The following KIAA1217 variants were observed in gnomAD, a reference collection of about 807,000 sequenced individuals.
KIAA1217 encodes the protein KIAA1217.
Under a neutral mutation model 163.9 loss-of-function variants are expected in KIAA1217, and 88 were observed. That is an observed-to-expected ratio of 0.54 (90% CI 0.45 to 0.64). The LOEUF (loss-of-function observed/expected upper bound fraction) is 0.64. KIAA1217 is among the 30% of genes least tolerant of loss of function. KIAA1217 has a pLI of 0.00. For missense variants in KIAA1217, 2,372 were observed against 2,475.0 expected (o/e 0.96, Z 0.88); for synonymous variants, 903 against 923.1 (o/e 0.98, Z 0.39).
Position 23,746,666 on chromosome 10 carries a change from G to A in KIAA1217, c.-321+51432G>A, listed in dbSNP as rs1043170311. 1.1e-4 allele frequency among the ~76,000 whole-genome samples: 16 copies of A among 152,044 alleles called. No homozygotes were observed. In the East Asian group the frequency reaches 1.6e-3, roughly 15 times the overall value. On this transcript the variant is annotated intron_variant, in intron 1 of 18. Coordinates refer to the KIAA1217 transcript ENST00000376462. ...TCCCGATCTCCTGACCTTGTGATCCGCCCACCTCAGCCTCCCAAAGTGCTG... is the reference window on the plus strand; with the variant it reads ...TCCCGATCTCCTGACCTTGTGATCCACCCACCTCAGCCTCCCAAAGTGCTG...
At position 24,474,817 on chromosome 10, in the gene KIAA1217, A is replaced by G. The variant is rs1382520926; in HGVS notation, c.1679+757A>G. 4.6e-5 allele frequency among the ~76,000 whole-genome samples: 7 copies of G among 152,362 alleles called. No individual in the cohort carries two copies. In the East Asian group the frequency reaches 1.2e-3, roughly 25 times the overall value. ...GAATTTCTCTAGCCTGAATTGGTTG[A>G]AACAAGTCAACATAATAATCATAAA... On this transcript the variant is annotated intron_variant, in intron 6 of 20. Coordinates refer to ENST00000376454, the MANE Select transcript of KIAA1217 (RefSeq NM_019590.5).
At chr10:24,402,709 C>A (rs1212076313) in intron 3 of KIAA1217, among the ~76,000 whole-genome samples, 1 of 152,062 alleles carries the variant, frequency 6.6e-6, no homozygotes, top group South Asian at 2.1e-4. Flanking sequence ...AAAATAGAAC[C>A]ACCCAAATAC....
At chr10:23,844,411 T>C (rs1838925780) in intron 1 of KIAA1217, among the ~76,000 whole-genome samples, 1 of 152,220 alleles carries the variant, frequency 6.6e-6, no homozygotes, top group Non-Finnish European at 1.5e-5. Context: ...TCCTTCAGCC[T>C]ACTGAAGATA....
intron 2 of KIAA1217, among the ~76,000 whole-genome samples, chr10:24,225,791 A>G (rs1184573155): frequency 6.6e-6 from 1 of 152,238 alleles, no homozygotes; most frequent in Non-Finnish European, 1.5e-5. Flanking sequence ...TATATTTTTT[A>G]CATTTCTTTT....
intron 1 of KIAA1217, among the ~76,000 whole-genome samples, chr10:23,702,151 C>T (rs1836497522): frequency 6.6e-6 from 1 of 152,050 alleles, no homozygotes; most frequent in African/African-American, 2.4e-5. Context: ...CCTTAAAGTG[C>T]AGCATATCTA....
chr10:24,087,538 G>T (rs570120814), intron 2 of KIAA1217, among the ~76,000 whole-genome samples: 1 of 152,316 alleles, frequency 6.6e-6, no homozygotes, highest in South Asian at 2.1e-4. Flanking sequence ...CTCACAGAGT[G>T]CTTGGCAAAC....
At chr10:24,067,271 A>AT (rs899145941) in intron 2 of KIAA1217, among the ~76,000 whole-genome samples, 4 of 151,620 alleles carry the variant, frequency 2.6e-5, no homozygotes, top group African/African-American at 9.7e-5. Flanking sequence ...CATCTTTGTG[A>AT]TTTTATCTAC....
chr10:24,291,184 A>G (rs1443785175), intron 2 of KIAA1217, among the ~76,000 whole-genome samples: 2 of 152,158 alleles, frequency 1.3e-5, no homozygotes, highest in Non-Finnish European at 2.9e-5. Context: ...AGCATGGGCT[A>G]TCCTAGAGCC....
chr10:24,023,904 A>C (rs1847838112), intron 2 of KIAA1217, among the ~76,000 whole-genome samples: 1 of 151,620 alleles, frequency 6.6e-6, no homozygotes, highest in South Asian at 2.1e-4. Flanking sequence ...AAGTAGAAAA[A>C]AAGGAAAAAT....
At chr10:24,542,836 A>G in intron 18 of KIAA1217, 47 bp from the exon 19 acceptor site, 1 of 1,610,902 alleles carries the variant, frequency 6.2e-7, no homozygotes, top group Non-Finnish European at 8.5e-7. Context: ...CTGCAGATCC[A>G]TTGCTGATTA....
At chr10:23,926,771 A>G (rs527977335) in intron 1 of KIAA1217, among the ~76,000 whole-genome samples, 1,587 of 151,650 alleles carry the variant, frequency 0.01, 26 homozygotes, top group African/African-American at 0.037. Context: ...AGTGCCTGGA[A>G]AATTGTTACC....
At chr10:23,953,492 G>T (rs775492254) in intron 1 of KIAA1217, among the ~76,000 whole-genome samples, 9 of 152,180 alleles carry the variant, frequency 5.9e-5, no homozygotes, top group Admixed American at 3.3e-4. Context: ...TCATTGTCTA[G>T]AAAAGTTATA....
intron 1 of KIAA1217, among the ~76,000 whole-genome samples, chr10:23,751,485 T>A (rs1237249223): frequency 6.6e-6 from 1 of 152,200 alleles, no homozygotes; most frequent in African/African-American, 2.4e-5. Flanking sequence ...CTTCTAGTTT[T>A]TACTTCCCTA....
At chr10:24,267,188 A>T (rs1197499025) in intron 2 of KIAA1217, among the ~76,000 whole-genome samples, 1 of 152,164 alleles carries the variant, frequency 6.6e-6, no homozygotes, top group African/African-American at 2.4e-5. Context: ...CCTCTTCTCC[A>T]TAAGTATAAT....
At chr10:23,824,658 A>AATAAAAAATAT (rs1837808623) in intron 1 of KIAA1217, among the ~76,000 whole-genome samples, 1 of 53,040 alleles carries the variant, frequency 1.9e-5, no homozygotes, top group Non-Finnish European at 3.6e-5. Context: ...AAATAAAAAA[A>AATAAAAAATAT]ATATATATAT....
intron 2 of KIAA1217, among the ~76,000 whole-genome samples, chr10:24,364,082 C>T (rs1189449096): frequency 6.6e-6 from 1 of 151,570 alleles, no homozygotes; most frequent in Non-Finnish European, 1.5e-5. Context: ...AGGTTCAAGT[C>T]ATTCTTCTGC....
intron 1 of KIAA1217, among the ~76,000 whole-genome samples, chr10:23,723,153 G>T (rs7921399): frequency 0.044 from 6,673 of 152,114 alleles, 218 homozygotes; most frequent in Admixed American, 0.08. Flanking sequence ...GCTCATGGCC[G>T]TGACCACTTT....
At chr10:24,417,653 G>T (rs1001381711) in intron 3 of KIAA1217, among the ~76,000 whole-genome samples, 1 of 152,144 alleles carries the variant, frequency 6.6e-6, no homozygotes, top group African/African-American at 2.4e-5. Flanking sequence ...GGAGACCATG[G>T]TGTGAAGTCT....
At chr10:23,759,598 T>C (rs759666341) in intron 1 of KIAA1217, among the ~76,000 whole-genome samples, 15 of 152,214 alleles carry the variant, frequency 9.9e-5, no homozygotes, top group Non-Finnish European at 1.8e-4. Flanking sequence ...TTTTGAGTGT[T>C]ACAGTTTCTC....
Sources: allele counts gnomAD v4.1 joint callset (sites outside exome capture counted in the v4.1 genomes callset), GRCh38; gene constraint gnomAD v4.1.1; transcripts MANE v1.5; gene names NCBI Gene and HGNC (gene_info 2026-07-23, HGNC 2026-07-21).